The following SRP19 variants were observed in gnomAD, a reference collection of about 807,000 sequenced individuals.
SRP19 encodes signal recognition particle 19 kDa protein.
SRP19 carries 11 observed loss-of-function variants against 22.4 expected under a neutral mutation model. That is an observed-to-expected ratio of 0.49 (90% CI 0.31 to 0.81). SRP19 has a LOEUF of 0.81. Among genes scored for constraint, SRP19 ranks in the 40% least tolerant of loss-of-function variants. The pLI, the probability that SRP19 is intolerant of heterozygous loss-of-function variation, is 0.05. For synonymous variants in SRP19, 61 were observed against 57.6 expected, an observed-to-expected ratio of 1.06 and a Z score of -0.27; for missense variants, 168 against 175.9, an observed-to-expected ratio of 0.96 and a Z score of 0.25.
chr5:112,891,600 T>A, intron 4 of SRP19: 1 of 1,562,780 alleles, frequency 6.4e-7, no homozygotes. Context: ...TATATTCCCA[T>A]AGGTTAAGAA....
downstream of SRP19, among the ~76,000 whole-genome samples, chr5:112,870,566 A>G (rs537594017): frequency 1.3e-4 from 20 of 152,306 alleles, no homozygotes; most frequent in Non-Finnish European, 2.9e-4. Flanking sequence ...TGGGGCAATA[A>G]GGATTGTCAG....
intron 4 of SRP19, among the ~76,000 whole-genome samples, chr5:112,866,530 A>G (rs979035435): frequency 1.3e-5 from 2 of 151,736 alleles, no homozygotes; most frequent in East Asian, 2.0e-4. Flanking sequence ...GGGTTTTGCT[A>G]TGTTTCCTAA....
intron 4 of SRP19, among the ~76,000 whole-genome samples, chr5:112,883,015 C>A (rs925291039): frequency 6.6e-6 from 1 of 152,240 alleles, no homozygotes; most frequent in African/African-American, 2.4e-5. Context: ...CTGGATCCTT[C>A]ACTGGTCAAG....
At chr5:112,897,043 A>T (rs531613064), downstream of SRP19, 1 of 152,214 alleles carries the variant, frequency 6.6e-6, no homozygotes, top group Admixed American at 6.5e-5. Flanking sequence ...ATGTCTTTCA[A>T]TTGGGAAGTA....
At chr5:112,885,387 C>T (rs567247104) in intron 4 of SRP19, 3 of 182,660 alleles carry the variant, frequency 1.6e-5, no homozygotes, top group East Asian at 1.7e-4. Context: ...TGCATGGACT[C>T]GTAGTTGAGA....
chr5:112,884,763 A>G (rs1257861503), intron 4 of SRP19, among the ~76,000 whole-genome samples: 1 of 127,792 alleles, frequency 7.8e-6, no homozygotes, highest in Non-Finnish European at 1.6e-5. Flanking sequence ...AATCATAACC[A>G]TCCCTCCAGT....
chr5:112,898,224 C>G (rs1199509940), exon 4 of SRP19: 2 of 152,194 alleles, frequency 1.3e-5, no homozygotes, highest in Non-Finnish European at 2.9e-5. Context: ...ATTCAGAGGC[C>G]TCTTCTCAGT....
At chr5:112,897,140 A>C (rs1402150351), downstream of SRP19, 1 of 152,188 alleles carries the variant, frequency 6.6e-6, no homozygotes, top group Non-Finnish European at 1.5e-5. Context: ...TAATTGAAAA[A>C]AGCAAGACAC....
downstream of SRP19, chr5:112,893,780 A>G (rs1580740699): frequency 6.6e-6 from 1 of 152,292 alleles, no homozygotes; most frequent in South Asian, 2.1e-4. Flanking sequence ...TAAAGGTCCA[A>G]GCACTCCAAG....
intron 4 of SRP19, among the ~76,000 whole-genome samples, chr5:112,881,696 T>A (rs1057270803): frequency 2.0e-5 from 3 of 152,210 alleles, no homozygotes; most frequent in Non-Finnish European, 4.4e-5. Context: ...CATCCCTGAC[T>A]CTTGGGCTAC....
At chr5:112,897,507 T>A (rs1385864519), downstream of SRP19, 9 of 152,168 alleles carry the variant, frequency 5.9e-5, no homozygotes, top group Non-Finnish European at 1.3e-4. Context: ...AATAAAGGAA[T>A]GAGCATATGT....
chr5:112,885,640 C>T (rs780171028), intron 4 of SRP19: 52 of 294,634 alleles, frequency 1.8e-4, no homozygotes, highest in Admixed American at 7.1e-4. Context: ...GTCTGCCAGC[C>T]TGGAGCAGCT....
intron 4 of SRP19, 147 bp downstream of exon 4, chr5:112,864,879 A>G: frequency 5.8e-6 from 3 of 517,834 alleles, no homozygotes; most frequent in Non-Finnish European, 1.0e-5. Context: ...GGAGAGAAGC[A>G]GTAGTTCTAA....
exon 5 of SRP19, chr5:112,892,583 C>T (rs1449511466): frequency 2.5e-6 from 4 of 1,614,058 alleles, no homozygotes; most frequent in Admixed American, 1.7e-5. Context: ...TGGAAAATGG[C>T]GATTTGTGGT....
chr5:112,879,677 T>C (rs531214755), intron 4 of SRP19, among the ~76,000 whole-genome samples: 10 of 152,020 alleles, frequency 6.6e-5, no homozygotes, highest in South Asian at 2.1e-4. Context: ...GGGGTTTCAC[T>C]GTGTTAGCCA....
At position 112,868,067 on chromosome 5, in the gene SRP19, G is replaced by C; in HGVS notation, c.*530G>C. 1.0e-6 allele frequency: 1 copy of C among 985,442 alleles called. No individual in the cohort carries two copies. The allele number at this position is 985,442 out of a possible 1,614,324, so 61.0% of individuals were successfully genotyped here. A position where few individuals can be genotyped will look rare whatever the true frequency, so the allele number is the denominator to read the frequency against. On this transcript the variant is annotated 3_prime_UTR_variant, in exon 5 of 5. Coordinates refer to ENST00000505459, the MANE Select transcript of SRP19 (RefSeq NM_003135.3). The stretch of plus-strand genomic sequence containing the variant: ...AGGGGAGTCTGTAAAAAGCCAGTCT[G>C]TAGATGATATTTTAATATATTATTG...
chr5:112,862,373 A>G, intron 1 of SRP19, 135 bp from the exon 2 acceptor site: 2 of 705,850 alleles, frequency 2.8e-6, no homozygotes, highest in South Asian at 3.2e-5. Context: ...CCACGCAGAA[A>G]AAGGAGGGGT....
chr5:112,872,521 G>C (rs1333649110), downstream of SRP19, among the ~76,000 whole-genome samples: 1 of 152,014 alleles, frequency 6.6e-6, no homozygotes, highest in Non-Finnish European at 1.5e-5. Context: ...TAGAGATGGG[G>C]TTTCGCTGTG....
intron 1 of SRP19, 81 bp from the exon 2 acceptor site, chr5:112,862,427 C>A (rs2150024571): frequency 5.0e-6 from 6 of 1,195,144 alleles, no homozygotes; most frequent in Non-Finnish European, 5.0e-6. Context: ...CATGAATTGG[C>A]CTTTGGTTCC....
Sources: gnomAD v4.1 joint callset for allele counts (sites outside exome capture counted in the v4.1 genomes callset) on GRCh38, gnomAD v4.1.1 for gene constraint, MANE v1.5 for transcripts, NCBI Gene and HGNC (gene_info 2026-07-23, HGNC 2026-07-21) for gene names.